CSRNP3: variants seen among roughly 807,000 people sequenced by gnomAD.
The protein encoded by CSRNP3 is cysteine/serine-rich nuclear protein 3.
In CSRNP3, 12 loss-of-function variants were observed where a neutral mutation model predicts 48.0. The observed-to-expected ratio is 0.25, with a 90% confidence interval of 0.16 to 0.41. CSRNP3 has a LOEUF of 0.41. Ranked by LOEUF, CSRNP3 falls within the 10% of genes least tolerant of loss-of-function variation. The pLI is 1.00. For missense variants in CSRNP3, 580 were observed against 724.4 expected (o/e 0.80, Z 2.29); for synonymous variants, 263 against 269.7 (o/e 0.98, Z 0.24).
intron 5 of CSRNP3, among the ~76,000 whole-genome samples, chr2:165,675,369 C>G (rs1247712038): frequency 6.6e-6 from 1 of 152,102 alleles, no homozygotes; most frequent in Admixed American, 6.5e-5. Flanking sequence ...CATGGAGTTT[C>G]TGCATTAATT....
chr2:165,599,189 C>T (rs1685858509), intron 4 of CSRNP3, among the ~76,000 whole-genome samples: 1 of 151,238 alleles, frequency 6.6e-6, no homozygotes, highest in Admixed American at 6.6e-5. Flanking sequence ...TGCACCACTG[C>T]ACTCAAGCCT....
At chr2:165,533,986 A>G (rs1684850073) in intron 3 of CSRNP3, among the ~76,000 whole-genome samples, 1 of 152,076 alleles carries the variant, frequency 6.6e-6, no homozygotes, top group South Asian at 2.1e-4. Flanking sequence ...CATATAATGA[A>G]TCCTGTCTAG....
chr2:165,524,995 A>G (rs1684714426), intron 3 of CSRNP3, among the ~76,000 whole-genome samples: 1 of 152,182 alleles, frequency 6.6e-6, no homozygotes, highest in Non-Finnish European at 1.5e-5. Context: ...GCTTTCTCAG[A>G]CTGCAAAATT....
chr2:165,580,199 T>G, intron 3 of CSRNP3, among the ~76,000 whole-genome samples: 1 of 152,170 alleles, frequency 6.6e-6, no homozygotes, highest in Non-Finnish European at 1.5e-5. Context: ...GAAACTTGTT[T>G]AAAGGGTGAA....
chr2:165,550,391 C>A (rs1685081689), intron 3 of CSRNP3, among the ~76,000 whole-genome samples: 1 of 152,034 alleles, frequency 6.6e-6, no homozygotes, highest in African/African-American at 2.4e-5. Context: ...TCAAGGGGAA[C>A]AGAGTGGACA....
intron 4 of CSRNP3, among the ~76,000 whole-genome samples, chr2:165,648,492 T>A (rs1015287494): frequency 6.6e-6 from 1 of 152,100 alleles, no homozygotes; most frequent in African/African-American, 2.4e-5. Context: ...AATAATTTTT[T>A]AAAAAGATTT....
chr2:165,592,080 G>A (rs1354318508), intron 3 of CSRNP3, among the ~76,000 whole-genome samples: 1 of 152,254 alleles, frequency 6.6e-6, no homozygotes, highest in Non-Finnish European at 1.5e-5. Flanking sequence ...CACAGGGGCA[G>A]AGTTGCCCAA....
At position 165,687,868 on chromosome 2, in the gene CSRNP3, A is replaced by G. The variant is rs998191418; in HGVS notation, c.*8115A>G. On this transcript the variant is annotated 3_prime_UTR_variant, in exon 7 of 7. Transcript: ENST00000651982. ...AGTTGACACCCAACTCAGAGTCAGA[A>G]CTCACCAGAAGATGAGGAACACCCC... The G allele has an allele frequency of 1.3e-5, 2 of 151,894 alleles. No homozygotes were observed. Among genetic ancestry groups the G allele is most frequent in the Admixed American group, 6.6e-5 (1 of 15,224 alleles). The allele number at this position is 151,894 out of a possible 1,614,324, so 9.4% of individuals were successfully genotyped here.
chr2:165,572,253 A>G (rs563620253), intron 3 of CSRNP3: 64 of 152,188 alleles, frequency 4.2e-4, no homozygotes, highest in African/African-American at 1.5e-3. Flanking sequence ...TAGACCTCAG[A>G]TGATAAAAAT....
intron 3 of CSRNP3, among the ~76,000 whole-genome samples, chr2:165,528,698 A>T (rs972343980): frequency 6.6e-6 from 1 of 152,106 alleles, no homozygotes; most frequent in African/African-American, 2.4e-5. Flanking sequence ...TTCCATTTTT[A>T]TGTCAGTACC....
chr2:165,548,328 A>G (rs1229784313), intron 3 of CSRNP3, among the ~76,000 whole-genome samples: 1 of 152,036 alleles, frequency 6.6e-6, no homozygotes, highest in East Asian at 1.9e-4. Context: ...CTATTATTTC[A>G]TCTCTCCTCA....
chr2:165,599,168 T>C (rs1369177371), intron 4 of CSRNP3, among the ~76,000 whole-genome samples: 1 of 151,464 alleles, frequency 6.6e-6, no homozygotes, highest in African/African-American at 2.4e-5. Context: ...GAGGCTGCAG[T>C]GAGCCATGAT....
At chr2:165,497,461 C>T (rs1037403638) in intron 2 of CSRNP3, among the ~76,000 whole-genome samples, 20 of 151,656 alleles carry the variant, frequency 1.3e-4, no homozygotes, top group East Asian at 5.8e-4. Flanking sequence ...ATATGACCTA[C>T]GGGAGACTAT....
At position 165,682,859 on chromosome 2, in the gene CSRNP3, C is replaced by G. The variant is rs999195709; in HGVS notation, c.*3106C>G. 6.6e-6 allele frequency: 1 copy of G among 152,144 alleles called. No individual in the cohort carries two copies. The highest frequency in any genetic ancestry group is 1.5e-5 in the Non-Finnish European group (1 of 68,008). The allele number at this position is 152,144 out of a possible 1,614,324, so 9.4% of individuals were successfully genotyped here. A position where few individuals can be genotyped will look rare whatever the true frequency, so the allele number is the denominator to read the frequency against. On this transcript the variant is annotated 3_prime_UTR_variant, in exon 7 of 7. Transcript: ENST00000651982. ...GATCTTTATGCCAAGACACAATAAC[C>G]TGACCTGCAGCTGTTGTATTGCCTC... is the stretch of plus-strand genomic sequence containing the variant.
intron 3 of CSRNP3, among the ~76,000 whole-genome samples, chr2:165,547,221 G>C (rs560529654): frequency 3.9e-4 from 60 of 152,208 alleles, no homozygotes; most frequent in Middle Eastern, 3.4e-3. Flanking sequence ...TTTCCATAAA[G>C]AAGGACACTT....
Position 165,688,196 on chromosome 2 carries a change from A to G in CSRNP3, c.*8443A>G, listed in dbSNP as rs1474993264. 1 of 152,156 alleles carries G rather than the reference A, an allele frequency of 6.6e-6. No homozygotes were observed. The allele number at this position is 152,156 out of a possible 1,614,324, so 9.4% of individuals were successfully genotyped here. On this transcript the variant is annotated 3_prime_UTR_variant, in exon 7 of 7. Transcript: ENST00000651982. ...GTTTCAAAAGTGTTTGATGTATAAT[A>G]AATGCTAGAAATTTACAGTACAGAA...
chr2:165,661,551 T>C (rs1322508149), intron 5 of CSRNP3, among the ~76,000 whole-genome samples: 1 of 152,212 alleles, frequency 6.6e-6, no homozygotes, highest in Non-Finnish European at 1.5e-5. Flanking sequence ...GCCTAGTTTC[T>C]ACTGAATGTA....
At chr2:165,552,634 A>C (rs1187550835) in intron 3 of CSRNP3, among the ~76,000 whole-genome samples, 1 of 152,076 alleles carries the variant, frequency 6.6e-6, no homozygotes, top group African/African-American at 2.4e-5. Flanking sequence ...CTTCCCTGAA[A>C]ATGTTAGCTC....
At chr2:165,513,152 C>T (rs1220149387) in intron 2 of CSRNP3, among the ~76,000 whole-genome samples, 1 of 152,094 alleles carries the variant, frequency 6.6e-6, no homozygotes, top group Admixed American at 6.5e-5. Flanking sequence ...ATTGCTGTCT[C>T]CTGCTAGATT....
Sources: allele counts gnomAD v4.1 joint callset (sites outside exome capture counted in the v4.1 genomes callset), GRCh38; gene constraint gnomAD v4.1.1; transcripts MANE v1.5; gene names NCBI Gene and HGNC (gene_info 2026-07-23, HGNC 2026-07-21).